LRRC39: variants seen among roughly 807,000 people sequenced by gnomAD.
The protein encoded by LRRC39 is leucine-rich repeat-containing protein 39.
A neutral mutation model predicts 39.7 loss-of-function variants in LRRC39; 35 were observed. That is an observed-to-expected ratio of 0.88 (90% CI 0.67 to 1.17). The LOEUF is 1.17. Ranked by LOEUF, LRRC39 falls within the 50% of genes most tolerant of loss-of-function variation. LRRC39 has a pLI of 0.00. For missense variants in LRRC39, 357 were observed against 385.8 expected (o/e 0.93, Z 0.62); for synonymous variants, 113 against 134.1 (o/e 0.84, Z 1.09).
chr1:100,158,047 C>A (rs115266687), intron 6 of LRRC39, among the ~76,000 whole-genome samples, 184 bp downstream of exon 6: 20 of 152,316 alleles, frequency 1.3e-4, no homozygotes, highest in East Asian at 9.6e-4. Context: ...ATAGAAGTAT[C>A]TTTTACACTA....
chr1:100,165,598 C>T (rs1254197672), intron 3 of LRRC39, among the ~76,000 whole-genome samples: 1 of 152,116 alleles, frequency 6.6e-6, no homozygotes, highest in East Asian at 1.9e-4. Context: ...TATTTAGCAA[C>T]ACAAATCATT....
intron 3 of LRRC39, among the ~76,000 whole-genome samples, chr1:100,166,893 C>T (rs1310964291): frequency 6.6e-6 from 1 of 152,146 alleles, no homozygotes; most frequent in Non-Finnish European, 1.5e-5. Flanking sequence ...TCCGTTTGCT[C>T]TTCCTTCATC....
intron 2 of LRRC39, 118 bp from the exon 3 acceptor site, chr1:100,168,712 T>A: frequency 4.2e-6 from 2 of 481,532 alleles, no homozygotes; most frequent in Non-Finnish European, 7.2e-6. Context: ...TTATATACTT[T>A]ACATGCCATA....
rs770411372 is a variant in LRRC39 at position 100,149,364 on chromosome 1, A to G, written c.953-267T>C. The G allele has an allele frequency of 9.7e-6, 15 of 1,543,562 alleles. No individual in the cohort carries two copies. In the South Asian group the frequency reaches 1.8e-4, roughly 19 times the overall value. On this transcript the variant is annotated intron_variant, in intron 9 of 9. Coordinates refer to ENST00000370137, the MANE Select transcript of LRRC39 (RefSeq NM_144620.4). ...ATAAACACAATTAATTAATGAAGTC[A>G]CCTTCAAATTTCCAGAGCCATACAT... is the stretch of plus-strand genomic sequence containing the variant.
At chr1:100,165,437 A>G (rs773607137) in intron 3 of LRRC39, among the ~76,000 whole-genome samples, 2 of 152,184 alleles carry the variant, frequency 1.3e-5, no homozygotes, top group Non-Finnish European at 2.9e-5. Flanking sequence ...GCCAGGCTCC[A>G]CATCCTCTGC....
At position 100,159,435 on chromosome 1, in the gene LRRC39, G is replaced by T; in HGVS notation, c.220-20C>A. 1 of 1,567,990 alleles carries T rather than the reference G, an allele frequency of 6.4e-7. No homozygotes were observed. Among genetic ancestry groups the T allele is most frequent in the South Asian group, 1.2e-5 (1 of 81,858 alleles). ...GAGGGTCTACAGTAAAAGAAATGAT[G>T]GTTGTTGTATATTACTTAAATTTTT... On this transcript the variant is annotated intron_variant, in intron 4 of 9. Transcript: ENST00000370137.
intron 9 of LRRC39, chr1:100,150,197 AAT>A (rs1052577325): frequency 2.6e-5 from 4 of 152,206 alleles, no homozygotes; most frequent in African/African-American, 9.6e-5. Flanking sequence ...TAATTCAATA[AAT>A]ATTAACTAGT....
intron 6 of LRRC39, among the ~76,000 whole-genome samples, chr1:100,156,772 C>T (rs1314827124): frequency 6.6e-6 from 1 of 152,118 alleles, no homozygotes; most frequent in African/African-American, 2.4e-5. Context: ...TCACTTCAGT[C>T]CAGGAGTTTG....
intron 1 of LRRC39, among the ~76,000 whole-genome samples, chr1:100,175,796 T>C (rs555193572): frequency 6.6e-6 from 1 of 152,084 alleles, no homozygotes; most frequent in Non-Finnish European, 1.5e-5. Context: ...CAAAAACAAA[T>C]GAAGTTGTGC....
rs995037341 is a variant in LRRC39, at chr1:100,148,880, T to G, written c.*162A>C. 1.1e-5 allele frequency: 13 copies of G among 1,170,782 alleles called. No homozygotes were observed. In the East Asian group the frequency reaches 4.0e-4, roughly 36 times the overall value. The allele number at this position is 1,170,782 out of a possible 1,614,324, so 72.5% of individuals were successfully genotyped here. A position where few individuals can be genotyped will look rare whatever the true frequency, so the allele number is the denominator to read the frequency against. On this transcript the variant is annotated 3_prime_UTR_variant, in exon 10 of 10. Transcript: ENST00000370137. ...CAAAAAAAATTTTTTAATTATATTT[T>G]TATATCAAAAAAATATATACTTTAA...
chr1:100,164,893 T>TG (rs139359501), intron 3 of LRRC39, among the ~76,000 whole-genome samples: 175 of 151,922 alleles, frequency 1.2e-3, no homozygotes, highest in African/African-American at 4.1e-3. Flanking sequence ...GTTTTAGAGA[T>TG]GGGGTCTCGC....
intron 3 of LRRC39, 78 bp from the exon 4 acceptor site, chr1:100,160,649 GAGT>G (rs1296508929): frequency 8.5e-6 from 10 of 1,171,560 alleles, no homozygotes; most frequent in African/African-American, 7.8e-5. Context: ...TTGAGAGAGA[GAGT>G]TTCACTCTTT....
At chr1:100,155,247 A>G in intron 7 of LRRC39, 44 bp from the exon 8 acceptor site, 1 of 1,474,064 alleles carries the variant, frequency 6.8e-7, no homozygotes, top group Non-Finnish European at 9.0e-7. Context: ...ATAATATGAA[A>G]ATATTGGTTT....
At chr1:100,149,196 T>C in intron 9 of LRRC39, 99 bp from the exon 10 acceptor site, 1 of 1,497,302 alleles carries the variant, frequency 6.7e-7, no homozygotes, top group East Asian at 2.6e-5. Context: ...TATTTTTTAT[T>C]TCTTAAGTTC....
At chr1:100,149,578 T>G (rs1284813861) in intron 9 of LRRC39, 1 of 698,698 alleles carries the variant, frequency 1.4e-6, no homozygotes, top group Non-Finnish European at 2.3e-6. Flanking sequence ...ATATCTTTTA[T>G]CAGGTCATTT....
intron 8 of LRRC39, 75 bp downstream of exon 8, chr1:100,154,976 A>C: frequency 7.7e-7 from 1 of 1,306,180 alleles, no homozygotes; most frequent in Admixed American, 2.7e-5. Context: ...TATTAATAAC[A>C]ATCTCTCTAC....
intron 1 of LRRC39, among the ~76,000 whole-genome samples, chr1:100,176,354 G>T (rs1351901137): frequency 6.6e-6 from 1 of 152,164 alleles, no homozygotes; most frequent in Non-Finnish European, 1.5e-5. Context: ...CTTGAACCCG[G>T]GAGGCAGAGG....
In LRRC39 at chr1:100,152,431, G is replaced by A; in HGVS notation, c.906C>T (p.Gly302=). 6.2e-7 allele frequency: 1 copy of A among 1,613,666 alleles called. No individual in the cohort carries two copies. Among genetic ancestry groups the A allele is most frequent in the Non-Finnish European group, 8.5e-7 (1 of 1,179,986 alleles). ...GTATGTATGTGTGCATAAACTGAAG[G>A]CCAAATAATTCCCGTTCCTCTTCTT... ...TDEEEERELF[G]LQFMHTYIQE... The change falls in exon 9 of 10, where the codon GGC becomes GGT. Residue 302 remains glycine, a synonymous_variant. Coordinates refer to ENST00000370137, the MANE Select transcript of LRRC39 (RefSeq NM_144620.4).
intron 7 of LRRC39, among the ~76,000 whole-genome samples, chr1:100,155,845 A>G (rs7523126): frequency 6.6e-6 from 1 of 152,192 alleles, no homozygotes; most frequent in African/African-American, 2.4e-5. Flanking sequence ...TGCTTGGCAT[A>G]TGCTAAGCAA....
Sources: gnomAD v4.1 joint callset for allele counts (sites outside exome capture counted in the v4.1 genomes callset) on GRCh38, gnomAD v4.1.1 for gene constraint, MANE v1.5 for transcripts, NCBI Gene and HGNC (gene_info 2026-07-23, HGNC 2026-07-21) for gene names.